RTN4RL1: variants seen among roughly 807,000 people sequenced by gnomAD.
RTN4RL1 encodes reticulon-4 receptor-like 1.
RTN4RL1 carries 7 observed loss-of-function variants against 25.6 expected under a neutral mutation model. The observed-to-expected ratio is 0.27, with a 90% CI of 0.16 to 0.51. The LOEUF (loss-of-function observed/expected upper bound fraction) is 0.51. Ranked by LOEUF, RTN4RL1 falls within the 20% of genes least tolerant of loss-of-function variation. The pLI is 0.97. For synonymous variants in RTN4RL1, 297 were observed against 288.2 expected, an observed-to-expected ratio of 1.03 and a Z score of -0.31; for missense variants, 500 against 615.6, an observed-to-expected ratio of 0.81 and a Z score of 1.99.
Position 2,025,177 on chromosome 17 carries a change from G to A in RTN4RL1, c.-312C>T, listed in dbSNP as rs1023304042. 2.7e-5 allele frequency: 7 copies of A among 260,360 alleles called. No homozygotes were observed. The highest frequency in any genetic ancestry group is 9.0e-5 in the African/African-American group (4 of 44,552). 16.1% of individuals were successfully genotyped at this position (260,360 alleles called of 1,614,324 possible). A position where few individuals can be genotyped will look rare whatever the true frequency, so the allele number is the denominator to read the frequency against. On this transcript the variant is annotated 5_prime_UTR_variant, in exon 1 of 2. Transcript: ENST00000331238. The surrounding 1 kb of genome is among the most constrained non-coding windows in gnomAD (Gnocchi z 4.8). ...TGCCACCCGGAGCACTTCGCAGGCG[G>A]TTTTGAGGGGGGACGCCGCCCCCTG...
At chr17:1,983,195 G>A (rs1214256661) in intron 1 of RTN4RL1, among the ~76,000 whole-genome samples, 3 of 151,976 alleles carry the variant, frequency 2.0e-5, no homozygotes, top group African/African-American at 7.2e-5. Context: ...ACAGGCACCC[G>A]CCACCACACC....
chr17:1,984,819 T>C (rs989219324), intron 1 of RTN4RL1, among the ~76,000 whole-genome samples: 2 of 151,786 alleles, frequency 1.3e-5, no homozygotes, highest in Non-Finnish European at 2.9e-5. Flanking sequence ...ATACAAAAAT[T>C]AGCCGGGCGT....
chr17:1,939,244 T>C (rs4077911), intron 1 of RTN4RL1, among the ~76,000 whole-genome samples: 33,274 of 151,168 alleles, frequency 0.22, 3,798 homozygotes, highest in African/African-American at 0.27. Flanking sequence ...TCCCAGCTAC[T>C]TGGGAGGCTG....
intron 1 of RTN4RL1, among the ~76,000 whole-genome samples, chr17:1,942,719 G>T (rs1223136224): frequency 6.6e-6 from 1 of 152,084 alleles, no homozygotes; most frequent in African/African-American, 2.4e-5. Context: ...GGAGCATGGG[G>T]GCAGCTCAGG....
intron 1 of RTN4RL1, among the ~76,000 whole-genome samples, chr17:1,938,043 G>A (rs1567846980): frequency 6.6e-6 from 1 of 152,140 alleles, no homozygotes; most frequent in Non-Finnish European, 1.5e-5. Flanking sequence ...CTGGGGTGAA[G>A]GCCCCAATCA....
intron 1 of RTN4RL1, among the ~76,000 whole-genome samples, chr17:1,949,224 G>T (rs1033863542): frequency 6.6e-6 from 1 of 152,068 alleles, no homozygotes; most frequent in African/African-American, 2.4e-5. Flanking sequence ...GCCTCCCTAA[G>T]TGCTGGGATT....
At position 1,936,544 on chromosome 17, in the gene RTN4RL1, C is replaced by T. The variant is rs1013168689; in HGVS notation, c.1278G>A (p.Gly426=). 2.6e-6 allele frequency: 4 copies of T among 1,554,850 alleles called. No homozygotes were observed. Among genetic ancestry groups the T allele is most frequent in the Non-Finnish European group, 3.5e-6 (4 of 1,151,230 alleles). Residue 426 remains glycine (G), a synonymous_variant, in exon 2 of 2, where the codon GGG becomes GGA. Coordinates refer to ENST00000331238, the MANE Select transcript of RTN4RL1 (RefSeq NM_178568.4). Reference sequence around the variant, plus strand: ...CCAGTGTCCAGGCCAGGAGGGAGGCCCCCAGGGAACTGGCCGAGGAGGCCT... The same window carrying T: ...CCAGTGTCCAGGCCAGGAGGGAGGCTCCCAGGGAACTGGCCGAGGAGGCCT... ...VQQASSASSL[G]ASLLAWTLGL...
At chr17:2,012,709 A>T (rs2067065337) in intron 1 of RTN4RL1, among the ~76,000 whole-genome samples, 1 of 152,006 alleles carries the variant, frequency 6.6e-6, no homozygotes, top group Non-Finnish European at 1.5e-5. Context: ...ACAATCATTC[A>T]ATCAACATTT....
At chr17:1,938,623 C>G (rs564356780) in intron 1 of RTN4RL1, among the ~76,000 whole-genome samples, 4 of 151,882 alleles carry the variant, frequency 2.6e-5, no homozygotes, top group African/African-American at 9.7e-5. Context: ...GAATCATTCC[C>G]AATTACAAGC....
At chr17:1,982,688 C>T (rs1188959208) in intron 1 of RTN4RL1, among the ~76,000 whole-genome samples, 2 of 152,310 alleles carry the variant, frequency 1.3e-5, no homozygotes, top group East Asian at 1.9e-4. Context: ...ACCGGGCCCT[C>T]GACGCCGTGC....
chr17:1,985,226 C>T (rs1415340946), intron 1 of RTN4RL1, among the ~76,000 whole-genome samples: 1 of 152,198 alleles, frequency 6.6e-6, no homozygotes, highest in Non-Finnish European at 1.5e-5. Context: ...GTGCTCCTGG[C>T]ACAAAGGTGT....
At chr17:1,968,333 G>A (rs908572360) in intron 1 of RTN4RL1, among the ~76,000 whole-genome samples, 10 of 152,034 alleles carry the variant, frequency 6.6e-5, no homozygotes, top group Admixed American at 2.0e-4. Flanking sequence ...AACCCAGGAC[G>A]CTGCCTTCTC....
chr17:2,015,774 C>T (rs541474757), intron 1 of RTN4RL1, among the ~76,000 whole-genome samples: 157 of 135,762 alleles, frequency 1.2e-3, no homozygotes, highest in African/African-American at 3.9e-3. Flanking sequence ...CAGAGAGAGC[C>T]GAGCGGCCGC....
intron 1 of RTN4RL1, among the ~76,000 whole-genome samples, chr17:2,021,929 G>A (rs529268053): frequency 1.4e-5 from 2 of 146,832 alleles, no homozygotes; most frequent in South Asian, 4.4e-4. Flanking sequence ...TACAATCTCG[G>A]CCCACTGCAG....
At chr17:2,021,744 G>C (rs922709552) in intron 1 of RTN4RL1, among the ~76,000 whole-genome samples, 1 of 151,280 alleles carries the variant, frequency 6.6e-6, no homozygotes, top group Non-Finnish European at 1.5e-5. Flanking sequence ...TAGTAGAGAC[G>C]GGGTTTCACC....
At chr17:1,948,675 A>G (rs982098315) in intron 1 of RTN4RL1, among the ~76,000 whole-genome samples, 2 of 141,268 alleles carry the variant, frequency 1.4e-5, no homozygotes, top group African/African-American at 5.2e-5. Context: ...TTAGTGGGGC[A>G]GGGGTTACCT....
chr17:1,959,070 G>A (rs1051669500), intron 1 of RTN4RL1, among the ~76,000 whole-genome samples: 1 of 152,192 alleles, frequency 6.6e-6, no homozygotes, highest in African/African-American at 2.4e-5. Flanking sequence ...GGCTCCGCTG[G>A]GCTCCCCCGG....
intron 1 of RTN4RL1, among the ~76,000 whole-genome samples, chr17:1,942,216 C>G (rs1915452031): frequency 6.6e-6 from 1 of 152,190 alleles, no homozygotes; most frequent in South Asian, 2.1e-4. Flanking sequence ...CGGCTGACTG[C>G]TCGGGTATCC....
intron 1 of RTN4RL1, among the ~76,000 whole-genome samples, chr17:1,967,792 A>G (rs903579429): frequency 5.3e-5 from 8 of 152,070 alleles, no homozygotes; most frequent in African/African-American, 1.9e-4. Context: ...GGCACCTGCC[A>G]CCACGCATGG....
Sources: gnomAD v4.1 joint callset for allele counts (sites outside exome capture counted in the v4.1 genomes callset) on GRCh38, gnomAD v4.1.1 for gene constraint, Gnocchi (gnomAD v3.1) non-coding constraint, MANE v1.5 for transcripts, NCBI Gene and HGNC (gene_info 2026-07-23, HGNC 2026-07-21) for gene names.